The following BORCS5 variants were observed in gnomAD, a reference collection of about 807,000 sequenced individuals.
The protein encoded by BORCS5 is BLOC-1 related complex subunit 5.
BORCS5 carries 17 observed loss-of-function variants against 22.1 expected under a neutral mutation model. The observed-to-expected ratio is 0.77, with a 90% CI of 0.53 to 1.15. The LOEUF (loss-of-function observed/expected upper bound fraction) is 1.15. BORCS5 is among the 50% of genes most tolerant of loss of function. The pLI is 0.00. For synonymous variants in BORCS5, 117 were observed against 99.8 expected (o/e 1.17, Z -1.03); for missense variants, 247 against 253.2 (o/e 0.98, Z 0.17).
In BORCS5 at chr12:12,435,632, A is replaced by T. The variant is rs983771208; in HGVS notation, c.207A>T (p.Leu69=). The T allele has an allele frequency of 7.4e-6, 12 of 1,613,192 alleles. No homozygotes were observed. In the African/African-American group the frequency reaches 1.5e-4, roughly 20 times the overall value. ...TCATTTTTTTCTCCTTTGAAGGGCT[A>T]TTGAGTGGCCAGACTTCCCCAACAA... is the stretch of plus-strand genomic sequence containing the variant. ...IPTFQPLLKG[L]LSGQTSPTNA... Residue 69 remains leucine, a synonymous_variant, in exon 3 of 4, where the codon CTA becomes CTT. Coordinates refer to ENST00000314565, the MANE Select transcript of BORCS5 (RefSeq NM_058169.6).
chr12:12,429,301 C>G (rs1356866397), intron 2 of BORCS5, among the ~76,000 whole-genome samples: 1 of 152,134 alleles, frequency 6.6e-6, no homozygotes, highest in Non-Finnish European at 1.5e-5. Flanking sequence ...GAGATGGTTT[C>G]CTGGCACAAG....
intron 3 of BORCS5, among the ~76,000 whole-genome samples, chr12:12,441,108 C>T (rs560656355): frequency 7.2e-5 from 11 of 152,158 alleles, no homozygotes; most frequent in East Asian, 3.9e-4. Context: ...ACAGGGAGGA[C>T]GCAGGCAAGT....
chr12:12,370,849 C>T (rs1306855759), intron 2 of BORCS5, among the ~76,000 whole-genome samples: 6 of 151,634 alleles, frequency 4.0e-5, no homozygotes, highest in African/African-American at 9.7e-5. Context: ...CCTGGGTTCA[C>T]GCCATTCTCC....
At chr12:12,391,730 A>G (rs1223854915) in intron 2 of BORCS5, among the ~76,000 whole-genome samples, 1 of 151,312 alleles carries the variant, frequency 6.6e-6, no homozygotes. Flanking sequence ...TGAAACCACA[A>G]TGACATTTAA....
At chr12:12,415,559 G>GGGGGGGGGGGAGGGGGAA (rs1941919148) in intron 2 of BORCS5, among the ~76,000 whole-genome samples, 1 of 25,500 alleles carries the variant, frequency 3.9e-5, no homozygotes, top group African/African-American at 2.3e-4. Flanking sequence ...CGTGGAGAGA[G>GGGGGGGGGGGAGGGGGAA]GGGGAGGGGG....
intron 2 of BORCS5, among the ~76,000 whole-genome samples, chr12:12,390,850 A>G (rs1219594036): frequency 6.6e-6 from 1 of 151,974 alleles, no homozygotes; most frequent in Non-Finnish European, 1.5e-5. Context: ...TAGATGATCC[A>G]CCTTCCTTGG....
intron 2 of BORCS5, among the ~76,000 whole-genome samples, chr12:12,367,593 A>T (rs911929584): frequency 1.3e-5 from 2 of 152,248 alleles, no homozygotes; most frequent in African/African-American, 4.8e-5. Flanking sequence ...AAAAATAAAC[A>T]TAGCTGTTTA....
chr12:12,373,622 C>A (rs1863578375), intron 2 of BORCS5, among the ~76,000 whole-genome samples: 1 of 152,098 alleles, frequency 6.6e-6, no homozygotes, highest in Non-Finnish European at 1.5e-5. Context: ...TTCCATTTTA[C>A]TTATAAGACC....
intron 3 of BORCS5, among the ~76,000 whole-genome samples, chr12:12,449,561 G>A (rs1057095378): frequency 1.3e-5 from 2 of 152,138 alleles, no homozygotes; most frequent in African/African-American, 4.8e-5. Context: ...GGGAAACTGG[G>A]CAAGTCGTAA....
chr12:12,417,682 G>T (rs1159074415), intron 2 of BORCS5, among the ~76,000 whole-genome samples: 3 of 152,036 alleles, frequency 2.0e-5, no homozygotes, highest in South Asian at 4.1e-4. Context: ...TTGAGACAGG[G>T]TCTAACTCTG....
intron 2 of BORCS5, among the ~76,000 whole-genome samples, chr12:12,405,253 C>T (rs1054466028): frequency 2.0e-5 from 3 of 152,110 alleles, no homozygotes; most frequent in African/African-American, 7.2e-5. Context: ...ACATCTCAAC[C>T]AAGCAAAAAC....
At chr12:12,422,286 TA>T (rs1362258936) in intron 2 of BORCS5, among the ~76,000 whole-genome samples, 17 of 135,902 alleles carry the variant, frequency 1.3e-4, no homozygotes, top group African/African-American at 3.2e-4. Context: ...TCTTTTCTTT[TA>T]TTTTTTTTTT....
intron 2 of BORCS5, among the ~76,000 whole-genome samples, chr12:12,399,560 A>G (rs992494654): frequency 2.6e-5 from 4 of 152,244 alleles, no homozygotes; most frequent in Non-Finnish European, 5.9e-5. Context: ...ACAAAGAAAC[A>G]GGAGATTTTA....
chr12:12,412,900 C>CTTTTT (rs869045354), intron 2 of BORCS5, among the ~76,000 whole-genome samples: 835 of 74,160 alleles, frequency 0.011, 1 homozygote, highest in East Asian at 0.029. Flanking sequence ...TTGTGGTTTT[C>CTTTTT]TTTTTTTTTT....
chr12:12,361,508 A>T (rs1293608295), intron 2 of BORCS5, among the ~76,000 whole-genome samples, 159 bp downstream of exon 2: 1 of 152,206 alleles, frequency 6.6e-6, no homozygotes, highest in Non-Finnish European at 1.5e-5. Flanking sequence ...TTCCTTAATT[A>T]AAACTGCAGC....
intron 2 of BORCS5, among the ~76,000 whole-genome samples, chr12:12,411,845 A>G (rs1941743874): frequency 6.6e-6 from 1 of 152,214 alleles, no homozygotes; most frequent in South Asian, 2.1e-4. Context: ...ATTCTTTTGC[A>G]TGTGGATAGC....
chr12:12,463,836 C>T (rs2136164079), intron 3 of BORCS5, among the ~76,000 whole-genome samples: 1 of 152,234 alleles, frequency 6.6e-6, no homozygotes, highest in Non-Finnish European at 1.5e-5. Context: ...CTGCCAAGGA[C>T]TTTAGACTTG....
At position 12,357,326 on chromosome 12, in the gene BORCS5, C is replaced by G; in HGVS notation, c.-126C>G. On this transcript the variant is annotated 5_prime_UTR_variant, in exon 1 of 4. Transcript: ENST00000314565. ...TGGACGCGTCAGCCCCACACATTAG[C>G]CTCGCTGCGGCGCCCAGACTCTGCT... 1.4e-6 allele frequency: 2 copies of G among 1,475,638 alleles called. No homozygotes were observed. Among genetic ancestry groups the G allele is most frequent in the East Asian group, 5.0e-5 (2 of 39,974 alleles). The allele number at this position is 1,475,638 out of a possible 1,614,324, so 91.4% of individuals were successfully genotyped here.
At chr12:12,409,061 T>C (rs897704352) in intron 2 of BORCS5, among the ~76,000 whole-genome samples, 43 of 151,848 alleles carry the variant, frequency 2.8e-4, no homozygotes, top group African/African-American at 9.9e-4. Context: ...TCTCCACCAA[T>C]AGTGAGTAAG....
Sources: allele counts gnomAD v4.1 joint callset (sites outside exome capture counted in the v4.1 genomes callset), GRCh38; gene constraint gnomAD v4.1.1; transcripts MANE v1.5; gene names NCBI Gene and HGNC (gene_info 2026-07-23, HGNC 2026-07-21).